PROSER2: variants seen among roughly 807,000 people sequenced by gnomAD.
PROSER2 encodes the protein proline and serine-rich protein 2.
In PROSER2, 18 loss-of-function variants were observed where a neutral mutation model predicts 14.6. That is an observed-to-expected ratio of 1.23 (90% CI 0.85 to 1.83). PROSER2 has a LOEUF of 1.83. PROSER2 is among the 40% of genes most tolerant of loss of function. The pLI is 0.00. For missense variants in PROSER2, 823 were observed against 629.8 expected, an observed-to-expected ratio of 1.31 and a Z score of -3.28; for synonymous variants, 367 against 286.4, an observed-to-expected ratio of 1.28 and a Z score of -2.84.
rs1834410039 is a variant in PROSER2 at position 11,869,081 on chromosome 10, T to C, written c.392-409T>C. ...CATAGAGGAAAGTGACACAGCTACA[T>C]GTCCTTCATCCAGAAAGACCTGCTG... On this transcript the variant is annotated intron_variant, in intron 3 of 3. Coordinates refer to ENST00000277570, the MANE Select transcript of PROSER2 (RefSeq NM_153256.4). The surrounding 1 kb of genome is among the most constrained non-coding windows in gnomAD (Gnocchi z 4.4). 6.6e-6 allele frequency among the ~76,000 whole-genome samples: 1 copy of C among 152,202 alleles called. No individual in the cohort carries two copies. Among genetic ancestry groups the C allele is most frequent in the South Asian group, 2.1e-4 (1 of 4,836 alleles).
rs1834359763 is a variant in PROSER2 at position 11,866,859 on chromosome 10, T to TGGCAAA, written c.391+76_391+77insGGCAAA. ...AGACCCAGAGATACTTCTTTTGTGT[T>TGGCAAA]CCCCTGTGTTTGCCAGTAGAAGTTG... is the stretch of plus-strand genomic sequence containing the variant. On this transcript the variant is annotated intron_variant, in intron 3 of 3. Coordinates refer to ENST00000277570, the MANE Select transcript of PROSER2 (RefSeq NM_153256.4). This position sits in a 1 kb window ranked among gnomAD's most constrained non-coding sequence, Gnocchi z 6.0. 7.3e-6 allele frequency: 11 copies of TGGCAAA among 1,503,048 alleles called. No individual in the cohort carries two copies. In the Admixed American group the frequency reaches 2.3e-4, roughly 31 times the overall value. 93.1% of individuals were successfully genotyped at this position (1,503,048 alleles called of 1,614,324 possible). A position where few individuals can be genotyped will look rare whatever the true frequency, so the allele number is the denominator to read the frequency against.
Position 11,862,155 on chromosome 10 carries a change from C to G in PROSER2, c.139-4376C>G, listed in dbSNP as rs1206850611. Among the ~76,000 whole-genome samples, 2 of 152,300 alleles carry G rather than the reference C, an allele frequency of 1.3e-5. No homozygotes were observed. The highest frequency in any genetic ancestry group is 3.4e-3 in the Middle Eastern group (1 of 294). On this transcript the variant is annotated intron_variant, in intron 2 of 3. Coordinates refer to ENST00000277570, the MANE Select transcript of PROSER2 (RefSeq NM_153256.4). This position sits in a 1 kb window ranked among gnomAD's most constrained non-coding sequence, Gnocchi z 4.2. ...GAACCACACATCTAAATAAATGAAGCCATGAGCCATATTCATGGGTCAAGA... is the reference window on the plus strand; with the variant it reads ...GAACCACACATCTAAATAAATGAAGGCATGAGCCATATTCATGGGTCAAGA...
chr10:11,848,550 G>C (rs553060033), intron 1 of PROSER2, among the ~76,000 whole-genome samples: 1 of 152,216 alleles, frequency 6.6e-6, no homozygotes, highest in Non-Finnish European at 1.5e-5. Flanking sequence ...CCTTCTCTTG[G>C]TTCTGCCCAC....
chr10:11,851,810 G>T, intron 1 of PROSER2, 187 bp from the exon 2 acceptor site: 2 of 305,568 alleles, frequency 6.5e-6, no homozygotes, highest in East Asian at 5.3e-5. Context: ...TGTTCAGAAT[G>T]GTTAACAATA....
At chr10:11,867,259 C>A (rs1886383) in intron 3 of PROSER2, among the ~76,000 whole-genome samples, 2 of 106,176 alleles carry the variant, frequency 1.9e-5, no homozygotes, top group African/African-American at 7.9e-5. Context: ...AGTGAGACTC[C>A]GTCTCAAAAA....
At chr10:11,827,623 G>A (rs1833633725) in intron 1 of PROSER2, among the ~76,000 whole-genome samples, 1 of 151,468 alleles carries the variant, frequency 6.6e-6, no homozygotes, top group Non-Finnish European at 1.5e-5. Context: ...TTTATGGATT[G>A]ACCACGTACA....
chr10:11,845,280 C>A (rs1264883686), intron 1 of PROSER2, among the ~76,000 whole-genome samples: 1 of 152,208 alleles, frequency 6.6e-6, no homozygotes, highest in African/African-American at 2.4e-5. Flanking sequence ...TACACCCCCA[C>A]CAGCGGAACC....
intron 1 of PROSER2, among the ~76,000 whole-genome samples, chr10:11,843,885 T>A (rs970079510): frequency 6.6e-6 from 1 of 151,786 alleles, no homozygotes; most frequent in African/African-American, 2.4e-5. Context: ...ACATATAGAT[T>A]TAGGTTGAGG....
At position 11,866,698 on chromosome 10, in the gene PROSER2, C is replaced by G. The variant is rs563957533; in HGVS notation, c.306C>G (p.Ser102=). ...TGGAGGAGAGCACCTCCAGTCCCTC[C>G]GAGCCTGAAGATGTCATCGACTTAG... ...PSLEESTSSP[S]EPEDVIDLVQ... is the part of the protein sequence containing the mutation. The change falls in exon 3 of 4, where the codon TCC becomes TCG. Residue 102 remains serine (S), a synonymous_variant. Transcript: ENST00000277570. This position sits in a 1 kb window ranked among gnomAD's most constrained non-coding sequence, Gnocchi z 6.0. 6.2e-7 allele frequency: 1 copy of G among 1,614,098 alleles called. No homozygotes were observed. Among genetic ancestry groups the G allele is most frequent in the Non-Finnish European group, 8.5e-7 (1 of 1,180,032 alleles).
At position 11,867,264 on chromosome 10, in the gene PROSER2, CAAAAAAAAAA is replaced by C. The variant is rs10560433; in HGVS notation, c.391+495_391+504del. On this transcript the variant is annotated intron_variant, in intron 3 of 3. Transcript: ENST00000277570. The stretch of plus-strand genomic sequence containing the variant: ...TGGGGGACAGAGTGAGACTCCGTCT[CAAAAAAAAAA>C]AAAAAAAAAAAAAGAATGAACTGGG... Among the ~76,000 whole-genome samples the C allele has an allele frequency of 7.7e-5, 4 of 51,810 alleles. No individual in the cohort carries two copies. The South Asian group carries it at 3.2e-3, about 42-fold the overall frequency. 34.0% of individuals were successfully genotyped at this position (51,810 alleles called of 152,430 possible).
chr10:11,849,429 A>G (rs1833979983), intron 1 of PROSER2, among the ~76,000 whole-genome samples: 1 of 152,166 alleles, frequency 6.6e-6, no homozygotes, highest in Non-Finnish European at 1.5e-5. Context: ...CTTCTGATCC[A>G]TTGCCTGGGT....
chr10:11,855,711 C>T (rs765926126), intron 2 of PROSER2, among the ~76,000 whole-genome samples: 1 of 152,086 alleles, frequency 6.6e-6, no homozygotes, highest in Non-Finnish European at 1.5e-5. Flanking sequence ...ATCACTTCAG[C>T]CTAGGAGTTA....
At chr10:11,842,396 AT>A (rs973662301) in intron 1 of PROSER2, among the ~76,000 whole-genome samples, 7 of 145,694 alleles carry the variant, frequency 4.8e-5, no homozygotes, top group Non-Finnish European at 9.1e-5. Flanking sequence ...TTAATCTTTC[AT>A]TTATCCCCTC....
At chr10:11,835,477 G>T (rs963357811) in intron 1 of PROSER2, among the ~76,000 whole-genome samples, 4 of 152,158 alleles carry the variant, frequency 2.6e-5, no homozygotes, top group Non-Finnish European at 5.9e-5. Flanking sequence ...TAGTCTAAGG[G>T]ATTGTTTTTG....
intron 2 of PROSER2, among the ~76,000 whole-genome samples, chr10:11,859,773 A>G (rs1006105235): frequency 1.3e-5 from 2 of 152,220 alleles, no homozygotes; most frequent in Admixed American, 6.5e-5. Flanking sequence ...TCACCCATGT[A>G]AAGTATACAT....
Position 11,870,027 on chromosome 10 carries a change from G to A in PROSER2, c.929G>A (p.Gly310Asp). The change falls in exon 4 of 4, where the codon GGC (glycine) becomes GAC (aspartate). Residue 310 changes from glycine to aspartate, a missense_variant. Transcript: ENST00000277570. ...GCCGGCGAGGGGGCCCCAGGGGGCGGCTCCTCCCCGGAGCGGGTGGCGCGT... is the reference window on the plus strand; with the variant it reads ...GCCGGCGAGGGGGCCCCAGGGGGCGACTCCTCCCCGGAGCGGGTGGCGCGT... ...GDAGEGAPGG[G>D]SSPERVARGR... is the part of the protein sequence containing the mutation. 8.1e-7 allele frequency: 1 copy of A among 1,240,290 alleles called. No individual in the cohort carries two copies. Among genetic ancestry groups the A allele is most frequent in the East Asian group, 3.4e-5 (1 of 29,018 alleles). 76.8% of individuals were successfully genotyped at this position (1,240,290 alleles called of 1,614,324 possible).
chr10:11,870,443 A>C lies in PROSER2; in HGVS notation c.*37A>C. ...GCTCCAGTCCACCCCGTTTCTCCCCACCCTGAAGAGAGGGTGAAAGAGTCG... is the reference window on the plus strand; with the variant it reads ...GCTCCAGTCCACCCCGTTTCTCCCCCCCCTGAAGAGAGGGTGAAAGAGTCG... On this transcript the variant is annotated 3_prime_UTR_variant, in exon 4 of 4. Coordinates refer to ENST00000277570, the MANE Select transcript of PROSER2 (RefSeq NM_153256.4). The C allele has an allele frequency of 7.1e-7, 1 of 1,406,608 alleles. No individual in the cohort carries two copies. Among genetic ancestry groups the C allele is most frequent in the Non-Finnish European group, 9.3e-7 (1 of 1,075,650 alleles). The allele number at this position is 1,406,608 out of a possible 1,614,324, so 87.1% of individuals were successfully genotyped here.
chr10:11,829,141 A>G (rs1252803718), intron 1 of PROSER2, among the ~76,000 whole-genome samples: 1 of 151,928 alleles, frequency 6.6e-6, no homozygotes. Context: ...ACGTTTACAT[A>G]TGGAGGGATT....
At chr10:11,832,426 G>C (rs908506703) in intron 1 of PROSER2, among the ~76,000 whole-genome samples, 3 of 152,106 alleles carry the variant, frequency 2.0e-5, no homozygotes, top group Non-Finnish European at 4.4e-5. Context: ...TTCTGTGGAG[G>C]CCCATTTTTA....
Sources: allele counts gnomAD v4.1 joint callset (sites outside exome capture counted in the v4.1 genomes callset), GRCh38; gene constraint gnomAD v4.1.1; non-coding constraint Gnocchi (gnomAD v3.1); transcripts MANE v1.5; gene names NCBI Gene and HGNC (gene_info 2026-07-23, HGNC 2026-07-21).